ECD: variants seen among roughly 807,000 people sequenced by gnomAD.
ECD encodes the protein protein ecdysoneless homolog.
Under a neutral mutation model 77.2 loss-of-function variants are expected in ECD, and 59 were observed. The observed-to-expected ratio is 0.76, with a 90% confidence interval of 0.62 to 0.95. The LOEUF (loss-of-function observed/expected upper bound fraction) is 0.95. ECD is among the 40% of genes least tolerant of loss of function. The pLI is 0.00. For missense variants in ECD, 704 were observed against 763.4 expected, an observed-to-expected ratio of 0.92 and a Z score of 0.92; for synonymous variants, 233 against 267.4, an observed-to-expected ratio of 0.87 and a Z score of 1.26.
chr10:73,147,442 G>A (rs1843144661), intron 8 of ECD, among the ~76,000 whole-genome samples: 1 of 152,052 alleles, frequency 6.6e-6, no homozygotes, highest in Admixed American at 6.5e-5. Flanking sequence ...CAGTTACTCA[G>A]GAGGCTGAGG....
chr10:73,159,620 T>C (rs1200228412), intron 3 of ECD, among the ~76,000 whole-genome samples: 1 of 151,806 alleles, frequency 6.6e-6, no homozygotes, highest in Non-Finnish European at 1.5e-5. Flanking sequence ...TTTTGGAAGT[T>C]GAACTCTTTG....
At chr10:73,148,788 T>C (rs1325930484) in intron 7 of ECD, among the ~76,000 whole-genome samples, 1 of 152,166 alleles carries the variant, frequency 6.6e-6, no homozygotes, top group Non-Finnish European at 1.5e-5. Flanking sequence ...TCAGACATAG[T>C]AAAGAGAGGA....
chr10:73,154,555 G>A (rs898349181), intron 5 of ECD, 107 bp from the exon 6 acceptor site: 4 of 1,051,764 alleles, frequency 3.8e-6, no homozygotes, highest in African/African-American at 1.6e-5. Context: ...AGAGCAGTAC[G>A]TAGAGAGTGA....
At chr10:73,160,641 T>C (rs954146774) in intron 2 of ECD, 90 bp from the exon 3 acceptor site, 15 of 921,448 alleles carry the variant, frequency 1.6e-5, no homozygotes, top group South Asian at 6.8e-5. Flanking sequence ...TACACATTCA[T>C]TGACTGATTG....
intron 8 of ECD, among the ~76,000 whole-genome samples, chr10:73,147,824 T>C (rs146798297): frequency 5.9e-5 from 9 of 152,190 alleles, no homozygotes; most frequent in Non-Finnish European, 1.2e-4. Flanking sequence ...CAGCACAGAA[T>C]ATCATTCATA....
At chr10:73,168,056 C>G, upstream of ECD, 1 of 482,258 alleles carries the variant, frequency 2.1e-6, no homozygotes, top group South Asian at 2.6e-5. Context: ...TCCCCGAAAC[C>G]TTGTGTGTCG....
chr10:73,134,695 T>C lies in ECD; in HGVS notation c.1823A>G (p.Tyr608Cys), dbSNP rs1485557842. The C allele has an allele frequency of 3.1e-6, 5 of 1,614,092 alleles. No homozygotes were observed. Among genetic ancestry groups the C allele is most frequent in the East Asian group, 2.2e-5 (1 of 44,898 alleles). The change falls in exon 14 of 14, where the codon TAT becomes TGT. Residue 608 changes from tyrosine to cysteine, a missense_variant. Tyr to Cys is a radical substitution (Grantham distance 194). This residue lies in a region of ECD where 142 missense variants were observed against 163.6 expected (regional missense o/e 0.87). Coordinates refer to ENST00000372979, the MANE Select transcript of ECD (RefSeq NM_007265.3). ...LNLVSNILES[Y>C]SSQAGLAGPA... ...TCCTGCCAGTCCAGCTTGGGAGCTATAGGATTCCAATATATTTGAAACCAG... is the reference window on the plus strand; with the variant it reads ...TCCTGCCAGTCCAGCTTGGGAGCTACAGGATTCCAATATATTTGAAACCAG...
chr10:73,149,348 A>G (rs1843171579), intron 7 of ECD, among the ~76,000 whole-genome samples: 1 of 152,082 alleles, frequency 6.6e-6, no homozygotes, highest in Non-Finnish European at 1.5e-5. Flanking sequence ...ACATTTTTTG[A>G]CTTTATGATG....
In ECD at chr10:73,134,223, T is replaced by C. The variant is rs535627306; in HGVS notation, c.*360A>G. 7 of 176,750 alleles carry C rather than the reference T, an allele frequency of 4.0e-5. No homozygotes were observed. Among genetic ancestry groups the C allele is most frequent in the Non-Finnish European group, 6.1e-5 (5 of 82,524 alleles). The allele number at this position is 176,750 out of a possible 1,614,324, so 10.9% of individuals were successfully genotyped here. A position where few individuals can be genotyped will look rare whatever the true frequency, so the allele number is the denominator to read the frequency against. ...AGTGAATGAGTTTTCAAATCCAAAT[T>C]TGTCAACTTGAAATTTTGATCTGAG... is the stretch of plus-strand genomic sequence containing the variant. On this transcript the variant is annotated 3_prime_UTR_variant, in exon 14 of 14. Coordinates refer to ENST00000372979, the MANE Select transcript of ECD (RefSeq NM_007265.3).
chr10:73,139,812 A>G, intron 9 of ECD, 75 bp from the exon 10 acceptor site: 2 of 1,039,456 alleles, frequency 1.9e-6, no homozygotes, highest in Non-Finnish European at 2.8e-6. Context: ...ATAGTATTTT[A>G]AGGTTGGAAG....
intron 7 of ECD, 112 bp from the exon 8 acceptor site, chr10:73,148,516 C>A: frequency 8.6e-7 from 1 of 1,167,192 alleles, no homozygotes; most frequent in South Asian, 2.1e-5. Context: ...TGACTGGATA[C>A]ATGGGCATTT....
chr10:73,155,370 A>G (rs553435149), intron 5 of ECD, among the ~76,000 whole-genome samples: 1 of 151,816 alleles, frequency 6.6e-6, no homozygotes, highest in Non-Finnish European at 1.5e-5. Flanking sequence ...CCGGCCAAAA[A>G]TATTTTTAAT....
intron 9 of ECD, among the ~76,000 whole-genome samples, chr10:73,145,416 C>T (rs1009183337): frequency 1.1e-4 from 16 of 151,924 alleles, no homozygotes; most frequent in Admixed American, 2.6e-4. Flanking sequence ...TAAAAGTCTA[C>T]GATATTAATT....
At chr10:73,139,847 GTGT>G (rs1564660150) in intron 9 of ECD, 110 bp from the exon 10 acceptor site, 17 of 500,440 alleles carry the variant, frequency 3.4e-5, no homozygotes, top group East Asian at 2.2e-4. Context: ...AATTTGGGGA[GTGT>G]TTTTTTTTTT....
chr10:73,161,242 G>A (rs1290974841), intron 2 of ECD, among the ~76,000 whole-genome samples: 2 of 149,956 alleles, frequency 1.3e-5, no homozygotes, highest in Non-Finnish European at 3.0e-5. Context: ...GAGAAATATA[G>A]AGACCAGAAA....
chr10:73,140,921 TA>T (rs1843048592), intron 9 of ECD, among the ~76,000 whole-genome samples: 1 of 151,208 alleles, frequency 6.6e-6, no homozygotes, highest in African/African-American at 2.4e-5. Context: ...TAAAAATACA[TA>T]AAAATATACA....
chr10:73,139,716 A>G lies in ECD; in HGVS notation c.1149T>C (p.Gly383=). ...WPESSLAMSP[G]EEILTLLQTI... ...TCTGTAATAAGGTTAAGATTTCTTC[A>G]CCAGGGCTCATAGCAAGAGAACTAT... Residue 383 remains glycine (G), a synonymous_variant, in exon 10 of 14, where the codon GGT becomes GGC. Coordinates refer to ENST00000372979, the MANE Select transcript of ECD (RefSeq NM_007265.3). The G allele has an allele frequency of 6.2e-7, 1 of 1,607,054 alleles. No individual in the cohort carries two copies. Among genetic ancestry groups the G allele is most frequent in the Non-Finnish European group, 8.5e-7 (1 of 1,177,550 alleles).
At chr10:73,166,072 T>C (rs1843454441) in intron 1 of ECD, among the ~76,000 whole-genome samples, 1 of 152,204 alleles carries the variant, frequency 6.6e-6, no homozygotes, top group South Asian at 2.1e-4. Flanking sequence ...CATTTGAAGT[T>C]TATCTTTCTG....
intron 7 of ECD, 44 bp downstream of exon 7, chr10:73,152,249 A>C: frequency 6.3e-7 from 1 of 1,599,708 alleles, no homozygotes. Flanking sequence ...TTAAGAGTCC[A>C]TTTACATAAA....
Sources: gnomAD v4.1 joint callset for allele counts (sites outside exome capture counted in the v4.1 genomes callset) on GRCh38, gnomAD v4.1.1 for gene constraint, gnomAD v4.1.1 regional missense constraint, MANE v1.5 for transcripts, NCBI Gene and HGNC (gene_info 2026-07-23, HGNC 2026-07-21) for gene names.